VSNL1: variants seen among roughly 807,000 people sequenced by gnomAD.
VSNL1 encodes visinin-like protein 1.
Under a neutral mutation model 20.4 loss-of-function variants are expected in VSNL1, and 6 were observed. That is an observed-to-expected ratio of 0.29 (90% CI 0.16 to 0.58). The LOEUF (loss-of-function observed/expected upper bound fraction) is 0.58. Ranked by LOEUF, VSNL1 falls within the 20% of genes least tolerant of loss-of-function variation. The pLI is 0.90. For missense variants in VSNL1, 100 were observed against 234.5 expected, an observed-to-expected ratio of 0.43 and a Z score of 3.75; for synonymous variants, 93 against 86.4, an observed-to-expected ratio of 1.08 and a Z score of -0.42.
chr2:17,619,834 GA>G (rs1273855989), intron 2 of VSNL1, among the ~76,000 whole-genome samples: 1 of 151,538 alleles, frequency 6.6e-6, no homozygotes, highest in East Asian at 1.9e-4. Flanking sequence ...AGACACCGGG[GA>G]TTCAAATAAT....
intron 2 of VSNL1, among the ~76,000 whole-genome samples, chr2:17,599,543 A>G (rs1435414473): frequency 6.6e-6 from 1 of 152,146 alleles, no homozygotes; most frequent in Non-Finnish European, 1.5e-5. Context: ...GTGGAAGAAA[A>G]AGCTTGAATA....
At position 17,630,463 on chromosome 2, in the gene VSNL1, A is replaced by G. The variant is rs58268408; in HGVS notation, c.163-18947A>G. On this transcript the variant is annotated intron_variant, in intron 2 of 3. Coordinates refer to ENST00000295156, the MANE Select transcript of VSNL1 (RefSeq NM_003385.5). ...TGAATAGGAAGACTCAGTGCTGCAA[A>G]GATGCCAGCTCTCCCTAATGAATGT... Among the ~76,000 whole-genome samples, 397 of 152,362 alleles carry G rather than the reference A, an allele frequency of 2.6e-3. 1 individual carries two copies. The highest frequency in any genetic ancestry group is 9.3e-3 in the African/African-American group (385 of 41,586).
chr2:17,601,523 C>A (rs968216176), intron 2 of VSNL1, among the ~76,000 whole-genome samples: 3 of 152,056 alleles, frequency 2.0e-5, no homozygotes, highest in African/African-American at 7.2e-5. Flanking sequence ...GTAATCCCAA[C>A]TACTGGGGAG....
Position 17,606,958 on chromosome 2 carries a change from T to A in VSNL1, c.162+14722T>A, listed in dbSNP as rs550046977. 4.6e-5 allele frequency among the ~76,000 whole-genome samples: 7 copies of A among 152,244 alleles called. 1 individual carries two copies. The South Asian group carries it at 1.5e-3, about 32-fold the overall frequency. On this transcript the variant is annotated intron_variant, in intron 2 of 3. Transcript: ENST00000295156. Reference sequence around the variant, plus strand: ...ATCGTGTCTGTGTGATGCCTGGAGTTGCCACAGCTAACTTTCAATGGTGAG... The same window carrying A: ...ATCGTGTCTGTGTGATGCCTGGAGTAGCCACAGCTAACTTTCAATGGTGAG...
In VSNL1 at chr2:17,655,120, G is replaced by A. The variant is rs560542255; in HGVS notation, c.379-77G>A. On this transcript the variant is annotated intron_variant, in intron 3 of 3. Coordinates refer to ENST00000295156, the MANE Select transcript of VSNL1 (RefSeq NM_003385.5). The surrounding 1 kb of genome is among the most constrained non-coding windows in gnomAD (Gnocchi z 5.2). ...TTGGAGGATGGGTGGGATCCCGTCA[G>A]GTGAAAGGGAGGCAAGAAGAGCTCT... is the stretch of plus-strand genomic sequence containing the variant. 6.8e-7 allele frequency: 1 copy of A among 1,464,694 alleles called. No individual in the cohort carries two copies. The highest frequency in any genetic ancestry group is 9.4e-7 in the Non-Finnish European group (1 of 1,059,576). The allele number at this position is 1,464,694 out of a possible 1,614,324, so 90.7% of individuals were successfully genotyped here.
intron 2 of VSNL1, among the ~76,000 whole-genome samples, chr2:17,631,327 T>G (rs1665623277): frequency 6.6e-6 from 1 of 151,300 alleles, no homozygotes; most frequent in South Asian, 2.1e-4. Flanking sequence ...AAATCTAAAC[T>G]TTTGCACAGG....
intron 1 of VSNL1, among the ~76,000 whole-genome samples, chr2:17,544,582 T>C (rs1663366251): frequency 6.6e-6 from 1 of 152,178 alleles, no homozygotes; most frequent in African/African-American, 2.4e-5. Flanking sequence ...ATTCCAAACA[T>C]TGTGGAGAGG....
At chr2:17,547,039 A>G (rs1396294483) in intron 1 of VSNL1, among the ~76,000 whole-genome samples, 1 of 152,068 alleles carries the variant, frequency 6.6e-6, no homozygotes, top group Non-Finnish European at 1.5e-5. Flanking sequence ...CCACTAAACT[A>G]TTAGTCTTTC....
At chr2:17,592,275 AGAAACTATGGCCTTCAT>A (rs1265021181) in intron 2 of VSNL1, 39 bp downstream of exon 2, 2 of 1,601,230 alleles carry the variant, frequency 1.2e-6, no homozygotes, top group African/African-American at 2.7e-5. Flanking sequence ...TCCTTAGGCC[AGAAACTATGGCCTTCAT>A]GAAATTGTAC....
At chr2:17,641,259 T>C (rs1184135694) in intron 2 of VSNL1, among the ~76,000 whole-genome samples, 2 of 152,208 alleles carry the variant, frequency 1.3e-5, no homozygotes, top group South Asian at 2.1e-4. Context: ...CCCACTTCAG[T>C]TGGAGCGAGT....
intron 1 of VSNL1, among the ~76,000 whole-genome samples, chr2:17,579,188 T>C (rs1267183133): frequency 6.6e-6 from 1 of 152,010 alleles, no homozygotes; most frequent in Non-Finnish European, 1.5e-5. Context: ...CAATCTTGGC[T>C]CACTGCAAGC....
At chr2:17,556,894 G>T (rs1178428344) in intron 1 of VSNL1, among the ~76,000 whole-genome samples, 1 of 152,180 alleles carries the variant, frequency 6.6e-6, no homozygotes, top group African/African-American at 2.4e-5. Context: ...GGCAAAAGGA[G>T]CTTACATCTG....
Position 17,592,890 on chromosome 2 carries a change from T to A in VSNL1, c.162+654T>A, listed in dbSNP as rs140598872. Among the ~76,000 whole-genome samples the A allele has an allele frequency of 1.5e-3, 224 of 152,230 alleles. 2 individuals are homozygous for A. Among genetic ancestry groups the A allele is most frequent in the South Asian group, 8.5e-3 (41 of 4,816 alleles). On this transcript the variant is annotated intron_variant, in intron 2 of 3. Transcript: ENST00000295156. ...AGGTACAATTTCTACTGCAGTGGTA[T>A]TGTTTTGGCTTGTCTGAGTCTACAA... is the stretch of plus-strand genomic sequence containing the variant.
chr2:17,605,946 T>C lies in VSNL1; in HGVS notation c.162+13710T>C, dbSNP rs146710212. On this transcript the variant is annotated intron_variant, in intron 2 of 3. Coordinates refer to ENST00000295156, the MANE Select transcript of VSNL1 (RefSeq NM_003385.5). ...TAGCCAACATTCGTTGAATGCTCAG[T>C]GTGCGTCAGGCATTGTTCCAAGCAC... Among the ~76,000 whole-genome samples the C allele has an allele frequency of 2.5e-3, 374 of 152,400 alleles. 1 individual carries two copies. The highest frequency in any genetic ancestry group is 3.7e-3 in the Non-Finnish European group (255 of 68,040).
At chr2:17,549,289 G>A (rs1454814097) in intron 1 of VSNL1, among the ~76,000 whole-genome samples, 1 of 152,218 alleles carries the variant, frequency 6.6e-6, no homozygotes, top group East Asian at 1.9e-4. Flanking sequence ...CATTTGCTGA[G>A]TGTTTGTAGA....
intron 2 of VSNL1, among the ~76,000 whole-genome samples, chr2:17,632,547 C>T (rs1402219155): frequency 2.6e-5 from 4 of 152,156 alleles, no homozygotes; most frequent in Non-Finnish European, 4.4e-5. Flanking sequence ...GATCTGCCCA[C>T]CTTGGCCTCC....
chr2:17,622,425 G>C (rs566507518), intron 2 of VSNL1, among the ~76,000 whole-genome samples: 1 of 150,482 alleles, frequency 6.6e-6, no homozygotes, highest in Non-Finnish European at 1.5e-5. Context: ...TTAAACCCAG[G>C]AGGCGGAGGT....
At chr2:17,561,195 G>A (rs1047147020) in intron 1 of VSNL1, among the ~76,000 whole-genome samples, 3 of 152,166 alleles carry the variant, frequency 2.0e-5, no homozygotes, top group East Asian at 3.8e-4. Context: ...CTGAAAAATG[G>A]GGTGAAGAAT....
Position 17,649,699 on chromosome 2 carries a change from T to A in VSNL1, c.378+74T>A. ...CACGGCAGCCTCCTAGGTGCAGGCC[T>A]TAGTGGCTTCTTCTCTCTCTGCTCG... On this transcript the variant is annotated intron_variant, in intron 3 of 3. Transcript: ENST00000295156. The surrounding 1 kb of genome is among the most constrained non-coding windows in gnomAD (Gnocchi z 6.4). 1 of 1,418,658 alleles carries A rather than the reference T, an allele frequency of 7.0e-7. No individual in the cohort carries two copies. The highest frequency in any genetic ancestry group is 9.8e-7 in the Non-Finnish European group (1 of 1,016,274). 87.9% of individuals were successfully genotyped at this position (1,418,658 alleles called of 1,614,324 possible).
Sources: allele counts gnomAD v4.1 joint callset (sites outside exome capture counted in the v4.1 genomes callset), GRCh38; gene constraint gnomAD v4.1.1; non-coding constraint Gnocchi (gnomAD v3.1); transcripts MANE v1.5; gene names NCBI Gene and HGNC (gene_info 2026-07-23, HGNC 2026-07-21).